Variants in NXPE4 observed in about 807,000 individuals in gnomAD.
NXPE4 encodes neurexophilin and PC-esterase domain family member 4.
NXPE4 carries 42 observed loss-of-function variants against 33.3 expected under a neutral mutation model. That is an observed-to-expected ratio of 1.26 (90% CI 0.98 to 1.63). The LOEUF is 1.63. Ranked by LOEUF, NXPE4 falls within the 40% of genes most tolerant of loss-of-function variation. The pLI, the probability that NXPE4 is intolerant of heterozygous loss-of-function variation, is 0.00. For synonymous variants in NXPE4, 253 were observed against 234.9 expected, an observed-to-expected ratio of 1.08 and a Z score of -0.71; for missense variants, 709 against 647.6, an observed-to-expected ratio of 1.09 and a Z score of -1.03.
the NXPE4 span, among the ~76,000 whole-genome samples, chr11:114,647,958 C>T: frequency 1.3e-5 from 2 of 152,228 alleles, no homozygotes; most frequent in East Asian, 1.9e-4. Context: ...CCTTGGCCTC[C>T]CAAAGTTCTG....
the NXPE4 span, among the ~76,000 whole-genome samples, chr11:114,671,553 A>C: frequency 6.6e-6 from 1 of 152,176 alleles, no homozygotes; most frequent in Non-Finnish European, 1.5e-5. Context: ...AAAATAATTT[A>C]TAACATACCA....
chr11:114,639,426 A>C, the NXPE4 span, among the ~76,000 whole-genome samples: 1 of 151,754 alleles, frequency 6.6e-6, no homozygotes, highest in Non-Finnish European at 1.5e-5. Flanking sequence ...TTCCTGAGTG[A>C]GGCAATGCCA....
the NXPE4 span, among the ~76,000 whole-genome samples, chr11:114,641,122 C>T: frequency 3.3e-5 from 5 of 151,792 alleles, no homozygotes; most frequent in East Asian, 3.9e-4. Context: ...GTCTGGTGCA[C>T]GAGTAGAATG....
chr11:114,668,133 T>C, the NXPE4 span, among the ~76,000 whole-genome samples: 2 of 151,504 alleles, frequency 1.3e-5, no homozygotes, highest in African/African-American at 4.8e-5. Context: ...GTGCCTGCTC[T>C]TAAGCTATTG....
chr11:114,609,311 C>T, the NXPE4 span, among the ~76,000 whole-genome samples: 3,218 of 151,758 alleles, frequency 0.021, 56 homozygotes, highest in Non-Finnish European at 0.032. Flanking sequence ...AGTATTGCCT[C>T]GTGGGTAACC....
chr11:114,635,826 T>C, the NXPE4 span, among the ~76,000 whole-genome samples: 2 of 152,206 alleles, frequency 1.3e-5, no homozygotes, highest in South Asian at 2.1e-4. Context: ...CACTTGATCA[T>C]GGTGGATAAG....
chr11:114,675,128 T>A, the NXPE4 span, among the ~76,000 whole-genome samples: 6 of 151,704 alleles, frequency 4.0e-5, no homozygotes, highest in African/African-American at 1.4e-4. Context: ...CTCTAAAAAA[T>A]TGAGTATAGA....
chr11:114,632,502 G>C, the NXPE4 span, among the ~76,000 whole-genome samples: 11 of 118,462 alleles, frequency 9.3e-5, no homozygotes, highest in African/African-American at 2.9e-4. Flanking sequence ...ATATATTATA[G>C]TATTTTATTT....
At chr11:114,602,552 T>C in the NXPE4 span, among the ~76,000 whole-genome samples, 1 of 139,196 alleles carries the variant, frequency 7.2e-6, no homozygotes, top group African/African-American at 2.6e-5. Flanking sequence ...ATACAAATTA[T>C]AGATTATATC....
At chr11:114,604,664 A>G in the NXPE4 span, among the ~76,000 whole-genome samples, 2 of 149,864 alleles carry the variant, frequency 1.3e-5, no homozygotes, top group East Asian at 2.0e-4. Flanking sequence ...GATAATAAAT[A>G]TTGCCTCGTG....
chr11:114,618,444 G>A, the NXPE4 span, among the ~76,000 whole-genome samples: 1 of 152,062 alleles, frequency 6.6e-6, no homozygotes, highest in Non-Finnish European at 1.5e-5. Context: ...TGGATAGTAA[G>A]TATTGCCTCA....
chr11:114,629,251 C>T, the NXPE4 span, among the ~76,000 whole-genome samples: 2 of 152,074 alleles, frequency 1.3e-5, no homozygotes, highest in South Asian at 2.1e-4. Context: ...CCTTGATGAA[C>T]ATTGATGCAA....
chr11:114,639,447 C>T, the NXPE4 span, among the ~76,000 whole-genome samples: 22 of 151,798 alleles, frequency 1.4e-4, no homozygotes, highest in African/African-American at 4.3e-4. Context: ...TGCTCTGCTT[C>T]GGCTCATGCA....
chr11:114,663,696 A>C, the NXPE4 span, among the ~76,000 whole-genome samples: 2 of 151,040 alleles, frequency 1.3e-5, no homozygotes, highest in African/African-American at 4.9e-5. Context: ...CTATCTATCT[A>C]TCTATCTATC....
Position 114,570,722 on chromosome 11 carries a change from G to C in NXPE4, c.*216C>G, listed in dbSNP as rs1346076479. 2.3e-6 allele frequency: 1 copy of C among 441,328 alleles called. No homozygotes were observed. The highest frequency in any genetic ancestry group is 4.0e-6 in the Non-Finnish European group (1 of 251,466). 27.3% of individuals were successfully genotyped at this position (441,328 alleles called of 1,614,324 possible). ...GGTATGGCTCTGATCAAGAAGGGTA[G>C]GCTCTTTTCATGAGTATTTTTAGTT... On this transcript the variant is annotated 3_prime_UTR_variant, in exon 6 of 6. Transcript: ENST00000375478.
the NXPE4 span, among the ~76,000 whole-genome samples, chr11:114,653,606 C>T: frequency 4.8e-5 from 7 of 145,878 alleles, no homozygotes; most frequent in Non-Finnish European, 1.0e-4. Flanking sequence ...CGGCTCACTG[C>T]AAGCTTCAAC....
chr11:114,627,203 A>G, the NXPE4 span, among the ~76,000 whole-genome samples: 1 of 152,076 alleles, frequency 6.6e-6, no homozygotes, highest in Admixed American at 6.6e-5. Context: ...GAGCAACCCC[A>G]AGACACATAA....
At chr11:114,619,239 T>G in the NXPE4 span, among the ~76,000 whole-genome samples, 1 of 151,914 alleles carries the variant, frequency 6.6e-6, no homozygotes, top group Admixed American at 6.6e-5. Flanking sequence ...CGGTAGAATA[T>G]AAGTAATGCC....
chr11:114,628,941 C>T, the NXPE4 span, among the ~76,000 whole-genome samples: 12 of 151,936 alleles, frequency 7.9e-5, no homozygotes, highest in Non-Finnish European at 1.6e-4. Context: ...ATAAATTCCT[C>T]GACACATACA....
Sources: allele counts gnomAD v4.1 joint callset (sites outside exome capture counted in the v4.1 genomes callset), GRCh38; gene constraint gnomAD v4.1.1; transcripts MANE v1.5; gene names NCBI Gene and HGNC (gene_info 2026-07-23, HGNC 2026-07-21).